Variants in CTNNA2 observed in about 807,000 individuals in gnomAD.
CTNNA2 encodes the protein catenin alpha-2.
CTNNA2 carries 42 observed loss-of-function variants against 101.0 expected under a neutral mutation model. The observed-to-expected ratio is 0.42, with a 90% confidence interval of 0.32 to 0.54. The LOEUF (loss-of-function observed/expected upper bound fraction) is 0.54, where lower values mean the gene tolerates loss of function less well. Among genes scored for constraint, CTNNA2 ranks in the 20% least tolerant of loss-of-function variants. The pLI, the probability that CTNNA2 is intolerant of heterozygous loss-of-function variation, is 0.14. For synonymous variants in CTNNA2, 450 were observed against 456.4 expected, an observed-to-expected ratio of 0.99 and a Z score of 0.18; for missense variants, 871 against 1,223.1, an observed-to-expected ratio of 0.71 and a Z score of 4.29.
intron 2 of CTNNA2, among the ~76,000 whole-genome samples, chr2:79,676,777 G>A (rs1267140568): frequency 2.6e-5 from 4 of 152,134 alleles, no homozygotes; most frequent in Admixed American, 2.0e-4. Flanking sequence ...ACCCTGAAAT[G>A]GAAAGGATTC....
chr2:79,351,941 G>T (rs1388452753), intron 3 of CTNNA2, among the ~76,000 whole-genome samples: 4 of 152,012 alleles, frequency 2.6e-5, no homozygotes, highest in Non-Finnish European at 4.4e-5. Context: ...TTTTCCTTTG[G>T]TATGAGATTT....
intron 1 of CTNNA2, among the ~76,000 whole-genome samples, chr2:79,647,583 C>A (rs1267999329): frequency 6.6e-6 from 1 of 152,042 alleles, no homozygotes; most frequent in African/African-American, 2.4e-5. Context: ...TCTGCCGAGA[C>A]AGCAGATATT....
chr2:80,504,850 A>C (rs1463105004), intron 9 of CTNNA2, among the ~76,000 whole-genome samples: 25 of 152,228 alleles, frequency 1.6e-4, no homozygotes, highest in Admixed American at 1.4e-3. Flanking sequence ...AACCACCTGC[A>C]CTCTGTTAGT....
rs559363369 is a variant in CTNNA2 at position 80,636,117 on chromosome 2, G to A, written c.2575-11468G>A. ...AACCTGCCATTTGCTACTTTATTTG[G>A]TTAGTAAATGTGTGCAGAGCAGGAC... On this transcript the variant is annotated intron_variant, in intron 18 of 18. Coordinates refer to ENST00000402739, the MANE Select transcript of CTNNA2 (RefSeq NM_001282597.3). 2.6e-5 allele frequency among the ~76,000 whole-genome samples: 4 copies of A among 151,852 alleles called. 1 individual carries two copies. The South Asian group carries it at 8.3e-4, about 32-fold the overall frequency.
At chr2:79,636,742 A>C (rs1214728578) in intron 1 of CTNNA2, 2 of 152,166 alleles carry the variant, frequency 1.3e-5, no homozygotes, top group African/African-American at 2.4e-5. Context: ...CCTAAATCCC[A>C]CCACCCAGCA....
At chr2:79,670,303 G>A (rs1160693642) in intron 2 of CTNNA2, among the ~76,000 whole-genome samples, 1 of 152,178 alleles carries the variant, frequency 6.6e-6, no homozygotes, top group African/African-American at 2.4e-5. Context: ...CTCCCTACAA[G>A]AGCACAGGGA....
Position 79,576,853 on chromosome 2 carries a change from A to G in CTNNA2, c.-6+63646A>G, listed in dbSNP as rs138860758. 6.1e-3 allele frequency among the ~76,000 whole-genome samples: 929 copies of G among 152,242 alleles called. 5 individuals are homozygous for G. The highest frequency in any genetic ancestry group is 0.02 in the African/African-American group (842 of 41,550). On this transcript the variant is annotated intron_variant, in intron 1 of 18. Coordinates refer to ENST00000402739, the MANE Select transcript of CTNNA2 (RefSeq NM_001282597.3). The stretch of plus-strand genomic sequence containing the variant: ...AGGGATTGTTCTCTGCCAAGGAATG[A>G]CTTTACTATGGATCATTTGAGAAAG...
chr2:80,306,449 T>TTTCTTTCA (rs1677016890), intron 7 of CTNNA2, among the ~76,000 whole-genome samples: 1 of 147,032 alleles, frequency 6.8e-6, no homozygotes, highest in Non-Finnish European at 1.5e-5. Context: ...TCTTTCTTTC[T>TTTCTTTCA]TTCTCTCTCT....
chr2:80,523,249 G>T (rs902396905), intron 9 of CTNNA2, among the ~76,000 whole-genome samples: 7 of 152,060 alleles, frequency 4.6e-5, no homozygotes, highest in Admixed American at 2.0e-4. Context: ...CAAATACATG[G>T]GTGAGCAGAA....
At chr2:80,638,501 G>C (rs918549416) in intron 18 of CTNNA2, among the ~76,000 whole-genome samples, 1 of 152,176 alleles carries the variant, frequency 6.6e-6, no homozygotes, top group African/African-American at 2.4e-5. Context: ...GGAAAAGAAG[G>C]TGGGGACTAC....
chr2:79,766,672 C>A (rs1292884663), intron 3 of CTNNA2, among the ~76,000 whole-genome samples: 3 of 152,030 alleles, frequency 2.0e-5, no homozygotes, highest in Non-Finnish European at 2.9e-5. Context: ...TAGATTTGCC[C>A]TTTTGAGGCT....
At chr2:80,260,304 G>A (rs1672510246) in intron 7 of CTNNA2, among the ~76,000 whole-genome samples, 1 of 152,156 alleles carries the variant, frequency 6.6e-6, no homozygotes, top group Non-Finnish European at 1.5e-5. Flanking sequence ...GAAGAAAGAT[G>A]GCAGAGGGTC....
At chr2:79,439,631 T>C (rs144084771) in intron 4 of CTNNA2, among the ~76,000 whole-genome samples, 1 of 152,192 alleles carries the variant, frequency 6.6e-6, no homozygotes. Context: ...TTGCTAAAAA[T>C]GCAGATTCAG....
chr2:79,898,953 T>C (rs1684892144), intron 6 of CTNNA2, among the ~76,000 whole-genome samples: 1 of 152,082 alleles, frequency 6.6e-6, no homozygotes, highest in Non-Finnish European at 1.5e-5. Context: ...TATACCAACT[T>C]ACTGAGGTAG....
chr2:79,697,950 T>C (rs932295473), intron 2 of CTNNA2: 1 of 152,028 alleles, frequency 6.6e-6, no homozygotes. Context: ...ACAATGACTT[T>C]AAAAACAATG....
chr2:80,207,232 G>A (rs1305782730), intron 7 of CTNNA2, among the ~76,000 whole-genome samples: 3 of 152,188 alleles, frequency 2.0e-5, no homozygotes, highest in Non-Finnish European at 4.4e-5. Flanking sequence ...AATTACAGAT[G>A]TATTGGACAT....
chr2:79,395,600 T>A lies in CTNNA2; in HGVS notation c.-135+21587T>A, dbSNP rs141001098. ...TACTTTTCCATTAACATTCCAAATG[T>A]ACCCCAGGAATAAGACTCTTGGTAC... On this transcript the variant is annotated intron_variant, in intron 4 of 21. Transcript: ENST00000466387. Among the ~76,000 whole-genome samples the A allele has an allele frequency of 5.9e-3, 893 of 152,326 alleles. 2 individuals carry two copies. Among genetic ancestry groups the A allele is most frequent in the Middle Eastern group, 0.02 (6 of 294 alleles).
At chr2:79,970,379 G>A (rs1375823927) in intron 7 of CTNNA2, among the ~76,000 whole-genome samples, 2 of 152,136 alleles carry the variant, frequency 1.3e-5, no homozygotes, top group Non-Finnish European at 2.9e-5. Flanking sequence ...TGCTGATTGT[G>A]TCAAAGAGCC....
At chr2:80,405,587 C>G (rs1369420118) in intron 8 of CTNNA2, among the ~76,000 whole-genome samples, 1 of 152,126 alleles carries the variant, frequency 6.6e-6, no homozygotes, top group Non-Finnish European at 1.5e-5. Flanking sequence ...GTGTCCAGCT[C>G]CATGCCAGAA....
Sources: allele counts gnomAD v4.1 joint callset (sites outside exome capture counted in the v4.1 genomes callset), GRCh38; gene constraint gnomAD v4.1.1; transcripts MANE v1.5; gene names NCBI Gene and HGNC (gene_info 2026-07-23, HGNC 2026-07-21).